Variants in LEO1 observed in about 807,000 individuals in gnomAD.
LEO1 encodes RNA polymerase-associated protein LEO1.
In LEO1, 34 loss-of-function variants were observed where a neutral mutation model predicts 80.4. That is an observed-to-expected ratio of 0.42 (90% CI 0.32 to 0.56). The LOEUF (loss-of-function observed/expected upper bound fraction) is 0.56. Among genes scored for constraint, LEO1 ranks in the 20% least tolerant of loss-of-function variants. LEO1 has a pLI of 0.10. For synonymous variants in LEO1, 262 were observed against 274.9 expected, an observed-to-expected ratio of 0.95 and a Z score of 0.46; for missense variants, 631 against 814.2, an observed-to-expected ratio of 0.77 and a Z score of 2.74.
chr15:51,969,045 T>A (rs989187785), intron 1 of LEO1, among the ~76,000 whole-genome samples: 1 of 152,122 alleles, frequency 6.6e-6, no homozygotes, highest in Non-Finnish European at 1.5e-5. Context: ...CTTGGCTCAC[T>A]GCAACCTCTG....
At chr15:51,952,366 A>C (rs2056956254) in intron 8 of LEO1, 1 of 151,496 alleles carries the variant, frequency 6.6e-6, no homozygotes, top group Non-Finnish European at 1.5e-5. Context: ...ATCCTATTTT[A>C]TAGATTTAGG....
chr15:51,969,223 T>G (rs1377018006), intron 1 of LEO1, among the ~76,000 whole-genome samples: 1 of 151,782 alleles, frequency 6.6e-6, no homozygotes, highest in Non-Finnish European at 1.5e-5. Flanking sequence ...CCCCCTAAAG[T>G]GCTGGGATTA....
intron 7 of LEO1, 128 bp from the exon 8 acceptor site, chr15:51,953,391 G>A (rs1280189571): frequency 1.6e-5 from 14 of 857,706 alleles, no homozygotes; most frequent in Non-Finnish European, 2.3e-5. Flanking sequence ...GGGACACCAA[G>A]GCAGGTGGAT....
rs768248797 is a variant in LEO1 at position 51,947,302 on chromosome 15, G to T, written c.1886C>A (p.Thr629Asn). The T allele has an allele frequency of 1.9e-6, 3 of 1,610,478 alleles. No homozygotes were observed. The highest frequency in any genetic ancestry group is 3.3e-5 in the Admixed American group (2 of 60,008). ...AQRLLKAKKL[T>N]SDEEGEPSGK... ...TAAATTTGGTCTTACCTCATCACTGGTAAGTTTCTTTGCTTTGAGTAATCT... is the reference window on the plus strand; with the variant it reads ...TAAATTTGGTCTTACCTCATCACTGTTAAGTTTCTTTGCTTTGAGTAATCT... The change falls in exon 11 of 12, where the codon ACC (threonine) becomes AAC (asparagine). Residue 629 changes from threonine (T) to asparagine (N), a missense_variant. Coordinates refer to ENST00000299601, the MANE Select transcript of LEO1 (RefSeq NM_138792.4).
Position 51,971,716 on chromosome 15 carries a change from G to A in LEO1, c.30C>T (p.Ser10=), listed in dbSNP as rs372215852. ...TACGCTCAGCTTCGCTGTCGGCGTCGCTCCCGAAGAGATCCTCCATATCCG... is the reference window on the plus strand; with the variant it reads ...TACGCTCAGCTTCGCTGTCGGCGTCACTCCCGAAGAGATCCTCCATATCCG... MADMEDLFG[S]DADSEAERKD... Residue 10 remains serine (S), a synonymous_variant, in exon 1 of 12, where the codon AGC becomes AGT. Coordinates refer to ENST00000299601, the MANE Select transcript of LEO1 (RefSeq NM_138792.4). 6.2e-7 allele frequency: 1 copy of A among 1,614,106 alleles called. No individual in the cohort carries two copies. Among genetic ancestry groups the A allele is most frequent in the East Asian group, 2.2e-5 (1 of 44,876 alleles).
chr15:51,947,148 CT>C, intron 11 of LEO1, 143 bp downstream of exon 11: 1 of 698,014 alleles, frequency 1.4e-6, no homozygotes, highest in South Asian at 1.5e-5. Context: ...ATCACTCTGT[CT>C]TGTTACTGCA....
chr15:51,955,382 T>C (rs2056981141), intron 6 of LEO1, among the ~76,000 whole-genome samples: 1 of 152,146 alleles, frequency 6.6e-6, no homozygotes, highest in Admixed American at 6.5e-5. Context: ...ATAAGTGCCC[T>C]ATGAAAATGA....
At chr15:51,939,847 G>A (rs2056833253) in intron 11 of LEO1, among the ~76,000 whole-genome samples, 1 of 152,160 alleles carries the variant, frequency 6.6e-6, no homozygotes, top group Non-Finnish European at 1.5e-5. Context: ...TGTCCTAAAG[G>A]CCCCTGGACA....
In LEO1 at chr15:51,962,489, A is replaced by G; in HGVS notation, c.819T>C (p.Ser273=). The G allele has an allele frequency of 1.2e-6, 2 of 1,603,404 alleles. No homozygotes were observed. Among genetic ancestry groups the G allele is most frequent in the Non-Finnish European group, 1.7e-6 (2 of 1,171,340 alleles). The change falls in exon 3 of 12, where the codon TCT becomes TCC. Residue 273 remains serine, a synonymous_variant. Coordinates refer to ENST00000299601, the MANE Select transcript of LEO1 (RefSeq NM_138792.4). ...CATCTTCACTATCACTGCCTCTTGC[A>G]GATTCTATAAGGGTAGAATTAGAAG... ...DEEEQDHKSE[S]ARGSDSEDEV...
chr15:51,952,861 A>C (rs1319956248), intron 8 of LEO1, among the ~76,000 whole-genome samples: 1 of 152,238 alleles, frequency 6.6e-6, no homozygotes, highest in Non-Finnish European at 1.5e-5. Context: ...TGGCAGTTAT[A>C]ATAACCACTG....
intron 6 of LEO1, among the ~76,000 whole-genome samples, chr15:51,956,344 C>T (rs553553625): frequency 1.4e-5 from 2 of 140,742 alleles, no homozygotes; most frequent in Non-Finnish European, 3.0e-5. Context: ...TGCTTGAACC[C>T]GGGAGGCGGG....
rs71130110 is a variant in LEO1, at chr15:51,945,262, C to CAAAA, written c.1896+2026_1896+2029dup. 1.1e-4 allele frequency among the ~76,000 whole-genome samples: 9 copies of CAAAA among 80,370 alleles called. 1 individual carries two copies. The highest frequency in any genetic ancestry group is 1.7e-4 in the Admixed American group (1 of 5,976). The allele number at this position is 80,370 out of a possible 152,430, so 52.7% of individuals were successfully genotyped here. A position where few individuals can be genotyped will look rare whatever the true frequency, so the allele number is the denominator to read the frequency against. On this transcript the variant is annotated intron_variant, in intron 11 of 11. Transcript: ENST00000299601. ...TGAAACCCCATCTCTACAAAAAATA[C>CAAAA]AAAAAAAAAAAAAAAAAGCCTTACA...
intron 2 of LEO1, 91 bp downstream of exon 2, chr15:51,965,658 G>A: frequency 2.7e-6 from 4 of 1,490,914 alleles, no homozygotes; most frequent in Non-Finnish European, 3.6e-6. Context: ...AGAAAAAACA[G>A]GGTAATAAAG....
Position 51,970,420 on chromosome 15 carries a change from A to C in LEO1, c.58+1268T>G, listed in dbSNP as rs753427484. Among the ~76,000 whole-genome samples the C allele has an allele frequency of 2.0e-5, 3 of 152,200 alleles. No homozygotes were observed. In the East Asian group the frequency reaches 5.8e-4, roughly 29 times the overall value. On this transcript the variant is annotated intron_variant, in intron 1 of 11. Transcript: ENST00000299601. ...GCAAATCCGCCTGCCGGAACCAGGAATGTTTACAGTAGCACTATTCAAACA... is the reference window on the plus strand; with the variant it reads ...GCAAATCCGCCTGCCGGAACCAGGACTGTTTACAGTAGCACTATTCAAACA...
chr15:51,954,032 C>T (rs2056969147), intron 7 of LEO1, among the ~76,000 whole-genome samples: 1 of 151,042 alleles, frequency 6.6e-6, no homozygotes, highest in African/African-American at 2.4e-5. Context: ...CTCCTGGGTT[C>T]AAGGAATTCT....
At chr15:51,941,865 A>G (rs1216720355) in intron 11 of LEO1, among the ~76,000 whole-genome samples, 1 of 152,270 alleles carries the variant, frequency 6.6e-6, no homozygotes, top group Non-Finnish European at 1.5e-5. Context: ...CAGCGAGTAT[A>G]AACTCCATTG....
Position 51,971,696 on chromosome 15 carries a change from T to G in LEO1, c.50A>C (p.Glu17Ala). ...LFGSDADSEA[E>A]RKDSDSGSDS... ...AAGACCAGCGAACCCACCTTTACGC[T>G]CAGCTTCGCTGTCGGCGTCGCTCCC... is the stretch of plus-strand genomic sequence containing the variant. Residue 17 changes from glutamate (E) to alanine (A), a missense_variant, in exon 1 of 12, where the codon GAG becomes GCG. Around this residue, in one of 4 missense-constraint regions of LEO1, gnomAD observed 394 missense variants for 395.6 expected, o/e 1.00. Transcript: ENST00000299601. The G allele has an allele frequency of 1.2e-6, 2 of 1,614,140 alleles. No homozygotes were observed. Among genetic ancestry groups the G allele is most frequent in the Non-Finnish European group, 1.7e-6 (2 of 1,180,018 alleles).
At chr15:51,963,654 C>T (rs1187790573) in intron 2 of LEO1, among the ~76,000 whole-genome samples, 4 of 152,234 alleles carry the variant, frequency 2.6e-5, no homozygotes, top group Non-Finnish European at 2.9e-5. Context: ...GTAATCCCAG[C>T]ACTTTGGGAG....
In LEO1 at chr15:51,952,113, T is replaced by G. The variant is rs1055446169; in HGVS notation, c.1476-134A>C. 1.3e-5 allele frequency: 8 copies of G among 615,070 alleles called. No individual in the cohort carries two copies. In the East Asian group the frequency reaches 2.4e-4, roughly 18 times the overall value. 38.1% of individuals were successfully genotyped at this position (615,070 alleles called of 1,614,324 possible). A position where few individuals can be genotyped will look rare whatever the true frequency, so the allele number is the denominator to read the frequency against. On this transcript the variant is annotated intron_variant, in intron 8 of 11. Coordinates refer to ENST00000299601, the MANE Select transcript of LEO1 (RefSeq NM_138792.4). The stretch of plus-strand genomic sequence containing the variant: ...GAAAAAATAGGCAGAGACACTCGAC[T>G]GAATATACCAAGGTGGAAGATTGTG...
Sources: allele counts gnomAD v4.1 joint callset (sites outside exome capture counted in the v4.1 genomes callset), GRCh38; gene constraint gnomAD v4.1.1; regional missense constraint gnomAD v4.1.1; transcripts MANE v1.5; gene names NCBI Gene and HGNC (gene_info 2026-07-23, HGNC 2026-07-21).